PKHD1: variants seen among roughly 807,000 people sequenced by gnomAD.
PKHD1 encodes PKHD1 ciliary IPT domain containing fibrocystin/polyductin.
Under a neutral mutation model 412.0 loss-of-function variants are expected in PKHD1, and 291 were observed. The ratio of observed to expected loss-of-function variants is 0.71; its 90% CI spans 0.64 to 0.78. The LOEUF is 0.78. Among genes scored for constraint, PKHD1 ranks in the 30% least tolerant of loss-of-function variants. PKHD1 has a pLI of 0.00. For missense variants in PKHD1, 4,825 were observed against 4,950.7 expected (o/e 0.97, Z 0.76); for synonymous variants, 1,777 against 1,821.5 (o/e 0.98, Z 0.62).
intron 55 of PKHD1, among the ~76,000 whole-genome samples, chr6:51,770,361 TG>T (rs1308925544): frequency 6.6e-6 from 1 of 151,856 alleles, no homozygotes; most frequent in Non-Finnish European, 1.5e-5. Context: ...TTACCTGTTT[TG>T]TTAATAATTT....
intron 4 of PKHD1, among the ~76,000 whole-genome samples, chr6:52,080,929 A>G (rs4715277): frequency 0.63 from 95,215 of 152,040 alleles, 30,328 homozygotes; most frequent in Admixed American, 0.71. Context: ...TTTAAATTAC[A>G]TTTGTGTTCA....
chr6:51,874,738 C>T (rs571429652), intron 46 of PKHD1, among the ~76,000 whole-genome samples: 1 of 149,594 alleles, frequency 6.7e-6, no homozygotes, highest in South Asian at 2.2e-4. Flanking sequence ...ACCATCCTGG[C>T]TAACATGTTG....
chr6:51,842,726 C>G (rs923573177), intron 50 of PKHD1, among the ~76,000 whole-genome samples: 1 of 152,192 alleles, frequency 6.6e-6, no homozygotes, highest in African/African-American at 2.4e-5. Flanking sequence ...TGGCCACCCC[C>G]CTACAAGTGG....
intron 22 of PKHD1, among the ~76,000 whole-genome samples, chr6:52,049,729 A>G (rs536268063): frequency 6.6e-6 from 1 of 152,328 alleles, no homozygotes; most frequent in East Asian, 1.9e-4. Flanking sequence ...TTCTCTAGAC[A>G]TTTCATTTCA....
At chr6:51,769,717 T>C (rs73426076) in intron 55 of PKHD1, among the ~76,000 whole-genome samples, 27,868 of 151,254 alleles carry the variant, frequency 0.18, 3,354 homozygotes, top group African/African-American at 0.34. Context: ...TAGAAGAATT[T>C]TTTGTTTAGA....
chr6:51,771,158 C>T (rs997872303), intron 55 of PKHD1, among the ~76,000 whole-genome samples: 15 of 151,608 alleles, frequency 9.9e-5, no homozygotes, highest in Non-Finnish European at 1.8e-4. Context: ...TTAATATTTA[C>T]TATACCTATT....
intron 36 of PKHD1, among the ~76,000 whole-genome samples, chr6:51,947,762 G>A (rs745969048): frequency 3.9e-5 from 6 of 152,106 alleles, no homozygotes; most frequent in Admixed American, 1.3e-4. Flanking sequence ...AAACACCATC[G>A]CACGCTAATT....
intron 35 of PKHD1, among the ~76,000 whole-genome samples, chr6:51,987,732 CTT>C (rs529894512): frequency 2.1e-5 from 3 of 143,500 alleles, no homozygotes; most frequent in Admixed American, 7.0e-5. Context: ...TTTCTAAGAC[CTT>C]TTTTTTTTTT....
chr6:52,009,234 G>A lies in PKHD1; in HGVS notation c.5751+1075C>T, dbSNP rs376729138. ...AAGGGAAGGTCAAGGTGAGGGAGAA[G>A]CCTGCAGAGGCCACAGAGTGGACAG... On this transcript the variant is annotated intron_variant, in intron 35 of 66. Transcript: ENST00000371117. 2.6e-5 allele frequency among the ~76,000 whole-genome samples: 4 copies of A among 152,182 alleles called. No individual in the cohort carries two copies. The South Asian group carries it at 6.2e-4, about 24-fold the overall frequency.
chr6:51,847,679 T>C (rs6930480), intron 50 of PKHD1, 96 bp downstream of exon 50: 1 of 914,488 alleles, frequency 1.1e-6, no homozygotes, highest in East Asian at 2.4e-5. Flanking sequence ...CCCTTTCAGT[T>C]CCTCAGCACT....
Position 52,017,600 on chromosome 6 carries a change from G to T in PKHD1, c.5410C>A (p.Arg1804Ser). ...GCAGCCTCACAGCTGTCCTCCTCAC[G>T]CTTCAGGCCACACAGGAAGGCCAAG... ...VSLAFLCGLKREEDSCEAARH... is the reference protein window; with the variant it reads ...VSLAFLCGLKSEEDSCEAARH... The change falls in exon 34 of 67, where the codon CGT becomes AGT. Residue 1804 changes from arginine to serine, a missense_variant. By Grantham distance (110) the Arg-to-Ser change is moderately radical (BLOSUM62 -1). Coordinates refer to ENST00000371117, the MANE Select transcript of PKHD1 (RefSeq NM_138694.4). The T allele has an allele frequency of 1.9e-6, 3 of 1,613,690 alleles. No individual in the cohort carries two copies. Among genetic ancestry groups the T allele is most frequent in the Non-Finnish European group, 2.5e-6 (3 of 1,179,878 alleles).
intron 60 of PKHD1, among the ~76,000 whole-genome samples, chr6:51,725,611 G>A (rs888121109): frequency 5.3e-5 from 8 of 152,322 alleles, no homozygotes; most frequent in African/African-American, 1.9e-4. Flanking sequence ...GGAATTAATG[G>A]TGGTTTAATG....
At chr6:52,048,654 G>A in intron 22 of PKHD1, 35 bp from the exon 23 acceptor site, 1 of 1,613,102 alleles carries the variant, frequency 6.2e-7, no homozygotes, top group East Asian at 2.2e-5. Flanking sequence ...TTAACGTCTG[G>A]GTTGGGGTGT....
At chr6:51,965,920 C>A (rs1320242272) in intron 35 of PKHD1, among the ~76,000 whole-genome samples, 2 of 152,088 alleles carry the variant, frequency 1.3e-5, no homozygotes, top group Non-Finnish European at 2.9e-5. Context: ...CTATTTGAAT[C>A]TTCAAATCTC....
intron 36 of PKHD1, among the ~76,000 whole-genome samples, chr6:51,950,119 T>G (rs1401973899): frequency 2.0e-5 from 3 of 150,294 alleles, no homozygotes; most frequent in Non-Finnish European, 4.4e-5. Context: ...GTTCACAGGA[T>G]GCAGGACAAG....
intron 53 of PKHD1, among the ~76,000 whole-genome samples, chr6:51,789,218 T>A (rs951995418): frequency 4.6e-5 from 7 of 152,234 alleles, no homozygotes; most frequent in Admixed American, 2.0e-4. Context: ...TTTGGCAGCA[T>A]GTATTAAAAA....
chr6:51,957,969 T>C (rs1327333141), intron 36 of PKHD1, among the ~76,000 whole-genome samples: 1 of 152,160 alleles, frequency 6.6e-6, no homozygotes, highest in Admixed American at 6.6e-5. Flanking sequence ...GCCAGTATTA[T>C]TCTTCATTTT....
chr6:51,819,341 C>CT (rs1765997685), intron 52 of PKHD1, among the ~76,000 whole-genome samples: 2 of 152,174 alleles, frequency 1.3e-5, no homozygotes, highest in African/African-American at 4.8e-5. Context: ...GTTTGACTTA[C>CT]TTTTTTTTCC....
chr6:51,909,760 C>A (rs889556414), intron 39 of PKHD1, among the ~76,000 whole-genome samples: 1 of 152,058 alleles, frequency 6.6e-6, no homozygotes, highest in African/African-American at 2.4e-5. Flanking sequence ...CAAACCCAAC[C>A]TAAATAGATG....
Sources: allele counts gnomAD v4.1 joint callset (sites outside exome capture counted in the v4.1 genomes callset), GRCh38; gene constraint gnomAD v4.1.1; transcripts MANE v1.5; gene names NCBI Gene and HGNC (gene_info 2026-07-23, HGNC 2026-07-21).